Variants in FCHO2 observed in about 807,000 individuals in gnomAD.
The protein encoded by FCHO2 is F-BAR domain only protein 2.
FCHO2 carries 43 observed loss-of-function variants against 114.1 expected under a neutral mutation model. The observed-to-expected ratio is 0.38, with a 90% CI of 0.30 to 0.49. The LOEUF is 0.49. Ranked by LOEUF, FCHO2 falls within the 20% of genes least tolerant of loss-of-function variation. FCHO2 has a pLI of 0.97. For synonymous variants in FCHO2, 293 were observed against 315.2 expected, an observed-to-expected ratio of 0.93 and a Z score of 0.75; for missense variants, 807 against 950.4, an observed-to-expected ratio of 0.85 and a Z score of 1.98.
In FCHO2 at chr5:72,956,042, T is replaced by A; in HGVS notation, c.-55T>A. ...CGGGGGTGCTGTGGGGGCCGGGCCG[T>A]GTTTACACAGCGGCGGGCGGGCGCG... On this transcript the variant is annotated 5_prime_UTR_variant, in exon 1 of 26. Transcript: ENST00000430046. 2 of 1,535,028 alleles carry A rather than the reference T, an allele frequency of 1.3e-6. No homozygotes were observed. The highest frequency in any genetic ancestry group is 1.8e-6 in the Non-Finnish European group (2 of 1,139,956).
chr5:73,077,776 G>A (rs1742961561), intron 21 of FCHO2, among the ~76,000 whole-genome samples: 1 of 152,148 alleles, frequency 6.6e-6, no homozygotes, highest in East Asian at 1.9e-4. Context: ...CTTGAGCCTA[G>A]GAGGCAGAGG....
chr5:72,997,745 A>G (rs1754201725), intron 5 of FCHO2: 4 of 1,416,258 alleles, frequency 2.8e-6, no homozygotes, highest in Non-Finnish European at 3.8e-6. Flanking sequence ...CTGCCTGGGC[A>G]GGGTCTGCCC....
chr5:72,964,533 C>T (rs530929200), intron 1 of FCHO2, among the ~76,000 whole-genome samples: 2 of 151,996 alleles, frequency 1.3e-5, no homozygotes, highest in Non-Finnish European at 2.9e-5. Flanking sequence ...TACAGGGGCA[C>T]GCCACCACAC....
chr5:73,050,984 T>C (rs1331182005), intron 11 of FCHO2: 1 of 225,446 alleles, frequency 4.4e-6, no homozygotes, highest in Non-Finnish European at 8.5e-6. Flanking sequence ...AGCTTGATAA[T>C]AGCTTTCAAA....
At chr5:73,023,994 A>G (rs771445481) in intron 8 of FCHO2, among the ~76,000 whole-genome samples, 3 of 152,064 alleles carry the variant, frequency 2.0e-5, no homozygotes, top group Admixed American at 6.6e-5. Context: ...ATTAGGAATT[A>G]CCTTTAAGCT....
In FCHO2 at chr5:73,017,277, TGA is replaced by T. The variant is rs1755356091; in HGVS notation, c.767_768del (p.Glu256ValfsTer13). 1 of 1,567,310 alleles carries T rather than the reference TGA, an allele frequency of 6.4e-7. No homozygotes were observed. The highest frequency in any genetic ancestry group is 8.7e-7 in the Non-Finnish European group (1 of 1,155,116). On this transcript the variant is annotated frameshift_variant, in exon 8 of 26. Transcript: ENST00000430046. LOFTEE classifies it high-confidence loss of function. ...TTGAAAGTTTGATACAAAAATTTGCTGAGTCAAAAGGCACTGGGAAGGAAAGA... is the reference window on the plus strand; with the variant it reads ...TTGAAAGTTTGATACAAAAATTTGCTGTCAAAAGGCACTGGGAAGGAAAGA... ...TVESLIQKFA[E>X]SKGTGKERPG... is the part of the protein sequence containing the mutation.
intron 23 of FCHO2, 59 bp downstream of exon 23, chr5:73,082,041 T>G (rs1743110760): frequency 1.5e-6 from 2 of 1,347,794 alleles, no homozygotes; most frequent in Admixed American, 5.6e-5. Flanking sequence ...CCCCAACTTC[T>G]AGAACCCAAG....
chr5:72,973,145 C>A (rs1367476396), intron 2 of FCHO2, among the ~76,000 whole-genome samples: 30 of 151,792 alleles, frequency 2.0e-4, no homozygotes, highest in Admixed American at 1.1e-3. Context: ...TTCATCAAGG[C>A]TATTGGTCTA....
intron 2 of FCHO2, among the ~76,000 whole-genome samples, chr5:72,979,289 G>A (rs927630248): frequency 4.0e-4 from 59 of 149,290 alleles, no homozygotes; most frequent in African/African-American, 1.3e-3. Flanking sequence ...CAATTTCAGA[G>A]CTTGTTATCG....
At chr5:73,018,716 G>A (rs539451560) in intron 8 of FCHO2, among the ~76,000 whole-genome samples, 3 of 152,028 alleles carry the variant, frequency 2.0e-5, no homozygotes, top group Non-Finnish European at 2.9e-5. Context: ...ACATTCTTCC[G>A]TTTTCACTTG....
At chr5:73,072,778 TA>T (rs1742718217) in intron 19 of FCHO2, among the ~76,000 whole-genome samples, 1 of 152,002 alleles carries the variant, frequency 6.6e-6, no homozygotes. Flanking sequence ...TTCCGTTTTA[TA>T]AGACGAACAG....
At chr5:73,069,221 A>C (rs1742513399) in intron 19 of FCHO2, among the ~76,000 whole-genome samples, 1 of 152,138 alleles carries the variant, frequency 6.6e-6, no homozygotes, top group Non-Finnish European at 1.5e-5. Context: ...CTCTTAGGGA[A>C]GTGGTCCCCA....
intron 8 of FCHO2, 53 bp from the exon 9 acceptor site, chr5:73,034,604 A>T: frequency 7.0e-7 from 1 of 1,435,108 alleles, no homozygotes; most frequent in Non-Finnish European, 9.5e-7. Context: ...AAGTTTTAAA[A>T]TTTACCTAAT....
chr5:72,991,940 T>C (rs1393520421), intron 5 of FCHO2, among the ~76,000 whole-genome samples: 2 of 152,182 alleles, frequency 1.3e-5, no homozygotes, highest in East Asian at 3.8e-4. Flanking sequence ...TGATAGAAAG[T>C]CTTCTGTTAC....
intron 17 of FCHO2, 61 bp from the exon 18 acceptor site, chr5:73,063,780 T>TTATGTAAG: frequency 7.0e-7 from 1 of 1,433,522 alleles, no homozygotes; most frequent in Non-Finnish European, 9.7e-7. Context: ...TAGAATGTCT[T>TTATGTAAG]TATGTAAGGA....
chr5:72,977,069 A>G (rs1455463228), intron 2 of FCHO2, among the ~76,000 whole-genome samples: 1 of 152,208 alleles, frequency 6.6e-6, no homozygotes, highest in African/African-American at 2.4e-5. Context: ...TATTGTGAAC[A>G]GTGCTGCAAT....
At chr5:73,084,204 A>G (rs770932174) in intron 24 of FCHO2, among the ~76,000 whole-genome samples, 2 of 152,082 alleles carry the variant, frequency 1.3e-5, no homozygotes, top group Non-Finnish European at 2.9e-5. Context: ...CCTTCTTTTG[A>G]ATGCATAATT....
chr5:72,994,671 A>T (rs769994547), intron 5 of FCHO2, among the ~76,000 whole-genome samples: 50 of 152,220 alleles, frequency 3.3e-4, no homozygotes, highest in Non-Finnish European at 5.0e-4. Context: ...TACCATAAAG[A>T]CACATGCATG....
chr5:73,017,148 G>GT lies in FCHO2; in HGVS notation c.700-60dup, dbSNP rs1440537080. The GT allele has an allele frequency of 1.4e-5, 14 of 965,700 alleles. No homozygotes were observed. In the African/African-American group the frequency reaches 2.4e-4, roughly 16 times the overall value. 59.8% of individuals were successfully genotyped at this position (965,700 alleles called of 1,614,324 possible). A position where few individuals can be genotyped will look rare whatever the true frequency, so the allele number is the denominator to read the frequency against. ...AATTAATTTTAATTGTCTTGTGTAA[G>GT]TTTTATCTGAAATACACTAAGAATG... On this transcript the variant is annotated intron_variant, in intron 7 of 25. Coordinates refer to ENST00000430046, the MANE Select transcript of FCHO2 (RefSeq NM_138782.3).
Sources: gnomAD v4.1 joint callset for allele counts (sites outside exome capture counted in the v4.1 genomes callset) on GRCh38, gnomAD v4.1.1 for gene constraint, MANE v1.5 for transcripts, NCBI Gene and HGNC (gene_info 2026-07-23, HGNC 2026-07-21) for gene names.